Variants in HSPA2 observed in about 807,000 individuals in gnomAD.
HSPA2 encodes heat shock-related 70 kDa protein 2.
In HSPA2, 13 loss-of-function variants were observed where a neutral mutation model predicts 35.0. The ratio of observed to expected loss-of-function variants is 0.37; its 90% CI spans 0.24 to 0.59. The LOEUF (loss-of-function observed/expected upper bound fraction) is 0.59, where lower values mean the gene tolerates loss of function less well. Among genes scored for constraint, HSPA2 ranks in the 20% least tolerant of loss-of-function variants. HSPA2 has a pLI of 0.70. For missense variants in HSPA2, 565 were observed against 885.4 expected (o/e 0.64, Z 4.59); for synonymous variants, 368 against 382.1 (o/e 0.96, Z 0.43).
rs559557337 is a variant in HSPA2 at position 64,542,762 on chromosome 14, T to G, written c.1913T>G (p.Val638Gly). 9 of 1,604,598 alleles carry G rather than the reference T, an allele frequency of 5.6e-6. No individual in the cohort carries two copies. In the African/African-American group the frequency reaches 8.0e-5, roughly 14 times the overall value. Residue 638 changes from valine (V) to glycine (G), a missense_variant, in exon 1 of 1, where the codon GTG becomes GGG. Physicochemically the swap from Val to Gly is moderately radical, Grantham distance 109 (BLOSUM62 -3). Around this residue, in one of 4 missense-constraint regions of HSPA2, gnomAD observed 147 missense variants for 166.7 expected, o/e 0.88. Coordinates refer to ENST00000247207, the MANE Select transcript of HSPA2 (RefSeq NM_021979.4). This position sits in a 1 kb window ranked among gnomAD's most constrained non-coding sequence, Gnocchi z 5.7. ...TCCGGGGGACCCACCATCGAAGAAG[T>G]GGACTAAGCTTGCACTCAAGTCAGC... ...GASGGPTIEEVD is the reference protein window; with the variant it reads ...GASGGPTIEEGD
At position 64,541,633 on chromosome 14, in the gene HSPA2, G is replaced by T; in HGVS notation, c.784G>T (p.Ala262Ser). 3.1e-6 allele frequency: 5 copies of T among 1,611,414 alleles called. No homozygotes were observed. The highest frequency in any genetic ancestry group is 4.2e-6 in the Non-Finnish European group (5 of 1,179,904). Reference protein sequence around the residue: ...HKKDIGPNKRAVRRLRTACER... With the variant: ...HKKDIGPNKRSVRRLRTACER... ...GAAGGACATTGGGCCCAACAAGCGC[G>T]CCGTGAGGCGGCTGCGCACCGCTTG... The change falls in exon 1 of 1, where the codon GCC (alanine) becomes TCC (serine). Residue 262 changes from alanine to serine, a missense_variant. By Grantham distance (99) the Ala-to-Ser change is moderately conservative. Transcript: ENST00000247207.
At chr14:64,540,141 A>C (rs2080013597), upstream of HSPA2, among the ~76,000 whole-genome samples, 1 of 150,110 alleles carries the variant, frequency 6.7e-6, no homozygotes, top group African/African-American at 2.5e-5. Flanking sequence ...CCAATTCCCT[A>C]TTCCCTCCCC....
Position 64,542,864 on chromosome 14 carries a change from T to G in HSPA2, c.*95T>G, listed in dbSNP as rs1355819076. On this transcript the variant is annotated 3_prime_UTR_variant, in exon 1 of 1. Coordinates refer to ENST00000247207, the MANE Select transcript of HSPA2 (RefSeq NM_021979.4). The surrounding 1 kb of genome is among the most constrained non-coding windows in gnomAD (Gnocchi z 5.7). ...AAATGTCCTTGTGCCAAGTACGAGA[T>G]CTATTGTTGGAAGTCTTTGGTATAT... The G allele has an allele frequency of 4.1e-6, 6 of 1,461,968 alleles. No individual in the cohort carries two copies. The highest frequency in any genetic ancestry group is 2.5e-5 in the East Asian group (1 of 40,298). 90.6% of individuals were successfully genotyped at this position (1,461,968 alleles called of 1,614,324 possible). A position where few individuals can be genotyped will look rare whatever the true frequency, so the allele number is the denominator to read the frequency against.
At chr14:64,539,236 A>C (rs1469751640), upstream of HSPA2, among the ~76,000 whole-genome samples, 1 of 152,120 alleles carries the variant, frequency 6.6e-6, no homozygotes, top group Non-Finnish European at 1.5e-5. Flanking sequence ...ACCTTCTCGG[A>C]GGGTTTATGC....
upstream of HSPA2, among the ~76,000 whole-genome samples, chr14:64,536,390 G>A (rs1220552042): frequency 6.6e-6 from 1 of 152,050 alleles, no homozygotes; most frequent in Non-Finnish European, 1.5e-5. Flanking sequence ...AATACTACCT[G>A]CATTTTCTAT....
rs1236679512 is a variant in HSPA2, at chr14:64,541,695, G to A, written c.846G>A (p.Gln282=). 2 of 1,611,836 alleles carry A rather than the reference G, an allele frequency of 1.2e-6. No homozygotes were observed. The change falls in exon 1 of 1, where the codon CAG becomes CAA. Residue 282 remains glutamine (Q), a synonymous_variant. Transcript: ENST00000247207. ...AGCGCACCCTGAGCTCGTCCACGCA[G>A]GCGAGCATCGAGATCGACTCGCTCT... ...RAKRTLSSST[Q]ASIEIDSLYE...
Position 64,541,417 on chromosome 14 carries a change from G to T in HSPA2, c.568G>T (p.Gly190Cys), listed in dbSNP as rs766109956. The T allele has an allele frequency of 7.4e-6, 12 of 1,613,502 alleles. No homozygotes were observed. The South Asian group carries it at 1.2e-4, about 16-fold the overall frequency. Residue 190 changes from glycine to cysteine, a missense_variant, in exon 1 of 1, where the codon GGC becomes TGC. Gly to Cys is a radical substitution (Grantham distance 159, BLOSUM62 -3). This residue lies in a region of HSPA2 where 183 missense variants were observed against 281.6 expected (regional missense o/e 0.65). Transcript: ENST00000247207. ...AAIAYGLDKK[G>C]CAGGEKNVLI... Reference sequence around the variant, plus strand: ...CATCGCCTACGGCCTGGACAAGAAGGGCTGCGCGGGCGGCGAGAAGAACGT... The same window carrying T: ...CATCGCCTACGGCCTGGACAAGAAGTGCTGCGCGGGCGGCGAGAAGAACGT...
chr14:64,540,526 C>T (rs1289208055), upstream of HSPA2: 7 of 364,060 alleles, frequency 1.9e-5, no homozygotes, highest in African/African-American at 6.3e-5. Flanking sequence ...AGGGAGGAAC[C>T]TCATTTACAT....
Position 64,543,097 on chromosome 14 carries a change from A to C in HSPA2, c.*328A>C. The C allele has an allele frequency of 2.6e-6, 1 of 383,758 alleles. No homozygotes were observed. 23.8% of individuals were successfully genotyped at this position (383,758 alleles called of 1,614,324 possible). ...TCTGTAGAAGCTTGGAAACAGTAAAATATATAGGAGCTTAAATTGTTTATT... is the reference window on the plus strand; with the variant it reads ...TCTGTAGAAGCTTGGAAACAGTAAACTATATAGGAGCTTAAATTGTTTATT... On this transcript the variant is annotated 3_prime_UTR_variant, in exon 1 of 1. Coordinates refer to ENST00000247207, the MANE Select transcript of HSPA2 (RefSeq NM_021979.4).
At chr14:64,540,396 T>G, upstream of HSPA2, 2 of 220,992 alleles carry the variant, frequency 9.1e-6, no homozygotes, top group South Asian at 1.2e-4. Context: ...GCCAATCCGA[T>G]GCACGTCGGC....
upstream of HSPA2, chr14:64,540,210 C>G (rs2080014537): frequency 6.4e-6 from 1 of 156,008 alleles, no homozygotes; most frequent in Non-Finnish European, 1.4e-5. Context: ...GCAACCAACT[C>G]AGAATGAATT....
upstream of HSPA2, among the ~76,000 whole-genome samples, chr14:64,539,536 G>A (rs1037555865): frequency 3.3e-5 from 5 of 151,192 alleles, no homozygotes; most frequent in Admixed American, 6.6e-5. Context: ...GAAGAGTGAG[G>A]CAGGAAGGGT....
At chr14:64,540,611 G>A, upstream of HSPA2, 1 of 608,242 alleles carries the variant, frequency 1.6e-6, no homozygotes, top group South Asian at 2.1e-5. Flanking sequence ...TTGGGTCACG[G>A]GCCAGTCACT....
At position 64,542,283 on chromosome 14, in the gene HSPA2, G is replaced by A. The variant is rs1223631328; in HGVS notation, c.1434G>A (p.Glu478=). The A allele has an allele frequency of 6.2e-7, 1 of 1,613,852 alleles. No homozygotes were observed. The highest frequency in any genetic ancestry group is 8.5e-7 in the Non-Finnish European group (1 of 1,179,924). ...CGCCTCGCGGGGTCCCCCAAATCGA[G>A]GTTACCTTCGACATTGACGCCAATG... ...PPAPRGVPQI[E]VTFDIDANGI... is the part of the protein sequence containing the mutation. Residue 478 remains glutamate, a synonymous_variant, in exon 1 of 1, where the codon GAG becomes GAA. Coordinates refer to ENST00000247207, the MANE Select transcript of HSPA2 (RefSeq NM_021979.4). This position sits in a 1 kb window ranked among gnomAD's most constrained non-coding sequence, Gnocchi z 5.7.
At chr14:64,540,738 GCTGAGTTGCTGGTAGTGC>G in exon 1 of HSPA2, 1 of 1,485,038 alleles carries the variant, frequency 6.7e-7, no homozygotes, top group Admixed American at 2.2e-5. Flanking sequence ...GGCGCGGGGA[GCTGAGTTGCTGGTAGTGC>G]CCGTGGTGCT....
In HSPA2 at chr14:64,542,388, G is replaced by C; in HGVS notation, c.1539G>C (p.Leu513=). The C allele has an allele frequency of 1.2e-6, 2 of 1,613,902 alleles. No homozygotes were observed. Among genetic ancestry groups the C allele is most frequent in the East Asian group, 4.5e-5 (2 of 44,834 alleles). The part of the protein sequence containing the change: ...KITITNDKGR[L]SKDDIDRMVQ... Reference sequence around the variant, plus strand: ...CCATCACCAATGACAAAGGTCGTCTGAGCAAGGACGACATTGACCGGATGG... The same window carrying C: ...CCATCACCAATGACAAAGGTCGTCTCAGCAAGGACGACATTGACCGGATGG... Residue 513 remains leucine, a synonymous_variant, in exon 1 of 1, where the codon CTG becomes CTC. Transcript: ENST00000247207. The surrounding 1 kb of genome is among the most constrained non-coding windows in gnomAD (Gnocchi z 5.7).
At chr14:64,538,798 T>C (rs1596711834), upstream of HSPA2, among the ~76,000 whole-genome samples, 1 of 152,218 alleles carries the variant, frequency 6.6e-6, no homozygotes, top group Non-Finnish European at 1.5e-5. Context: ...CCCACACATA[T>C]TATGTAAAGT....
At chr14:64,539,539 G>C (rs180998372), upstream of HSPA2, among the ~76,000 whole-genome samples, 1 of 150,650 alleles carries the variant, frequency 6.6e-6, no homozygotes, top group African/African-American at 2.5e-5. Context: ...GAGTGAGGCA[G>C]GAAGGGTTTA....
Position 64,542,639 on chromosome 14 carries a change from A to T in HSPA2, c.1790A>T (p.His597Leu). ...NQMAEKDEYE[H>L]KQKELERVCN... ...ATGGCAGAGAAAGATGAGTATGAAC[A>T]CAAGCAGAAAGAGCTCGAAAGAGTT... The change falls in exon 1 of 1, where the codon CAC becomes CTC. Residue 597 changes from histidine (H) to leucine (L), a missense_variant. Coordinates refer to ENST00000247207, the MANE Select transcript of HSPA2 (RefSeq NM_021979.4). This position sits in a 1 kb window ranked among gnomAD's most constrained non-coding sequence, Gnocchi z 5.7. 1 of 1,613,998 alleles carries T rather than the reference A, an allele frequency of 6.2e-7. No homozygotes were observed. The highest frequency in any genetic ancestry group is 8.5e-7 in the Non-Finnish European group (1 of 1,180,002).
Sources: gnomAD v4.1 joint callset for allele counts (sites outside exome capture counted in the v4.1 genomes callset) on GRCh38, gnomAD v4.1.1 for gene constraint, gnomAD v4.1.1 regional missense constraint, Gnocchi (gnomAD v3.1) non-coding constraint, MANE v1.5 for transcripts, NCBI Gene and HGNC (gene_info 2026-07-23, HGNC 2026-07-21) for gene names.